Variants in CELF2 observed in about 807,000 individuals in gnomAD.
The protein encoded by CELF2 is CUG triplet repeat RNA-binding protein 2.
A neutral mutation model predicts 62.6 loss-of-function variants in CELF2; 8 were observed. The ratio of observed to expected loss-of-function variants is 0.13; its 90% confidence interval spans 0.07 to 0.23. The LOEUF is 0.23. CELF2 is among the 10% of genes least tolerant of loss of function. The pLI is 1.00. For missense variants in CELF2, 333 were observed against 671.0 expected, an observed-to-expected ratio of 0.50 and a Z score of 5.56; for synonymous variants, 258 against 250.0, an observed-to-expected ratio of 1.03 and a Z score of -0.30.
Position 11,224,868 on chromosome 10 carries a change from C to T in CELF2, c.354+7361C>T, listed in dbSNP as rs1261688137. Among the ~76,000 whole-genome samples, 2 of 152,118 alleles carry T rather than the reference C, an allele frequency of 1.3e-5. No homozygotes were observed. Among genetic ancestry groups the T allele is most frequent in the Admixed American group, 1.3e-4 (2 of 15,278 alleles). The stretch of plus-strand genomic sequence containing the variant: ...TCCCAGGAACACCAAGGTTCTTCCC[C>T]CACACACTAGGAAATAGGGAATGGC... On this transcript the variant is annotated intron_variant, in intron 3 of 12. Transcript: ENST00000633077. The surrounding 1 kb of genome is among the most constrained non-coding windows in gnomAD (Gnocchi z 4.5).
At chr10:11,053,097 A>T (rs1205343859) in intron 1 of CELF2, among the ~76,000 whole-genome samples, 2 of 152,194 alleles carry the variant, frequency 1.3e-5, no homozygotes, top group Non-Finnish European at 2.9e-5. Flanking sequence ...AGTTGTACTC[A>T]CAGGGTAAAG....
At chr10:10,610,286 G>A in the CELF2 span, among the ~76,000 whole-genome samples, 1 of 152,114 alleles carries the variant, frequency 6.6e-6, no homozygotes. Flanking sequence ...GATATTCATG[G>A]TATGAAGAAT....
chr10:10,717,613 C>T, the CELF2 span, among the ~76,000 whole-genome samples: 3 of 152,076 alleles, frequency 2.0e-5, no homozygotes, highest in African/African-American at 7.2e-5. Context: ...CTTTTCACTA[C>T]CTTTTAAGTC....
At chr10:11,287,019 G>A (rs2091482631) in intron 8 of CELF2, among the ~76,000 whole-genome samples, 1 of 152,170 alleles carries the variant, frequency 6.6e-6, no homozygotes, top group South Asian at 2.1e-4. Context: ...GCTGTCTAGA[G>A]CACTCAGCAG....
chr10:11,091,825 C>T lies in CELF2; in HGVS notation c.75-73661C>T, dbSNP rs2048394638. ...TCTTCTCCAAGTTAAAAACATGACT[C>T]TCAATCAAATACAGAATGAACGATT... On this transcript the variant is annotated intron_variant, in intron 1 of 12. Transcript: ENST00000633077. Among the ~76,000 whole-genome samples, 3 of 152,194 alleles carry T rather than the reference C, an allele frequency of 2.0e-5. No homozygotes were observed. In the South Asian group the frequency reaches 6.2e-4, roughly 31 times the overall value.
At position 11,257,826 on chromosome 10, in the gene CELF2, G is replaced by T; in HGVS notation, c.492G>T (p.Gln164His). ...GGGTGATGTTCTCTCCATTTGGCCA[G>T]ATAGAAGAATGCCGGATCCTCCGGG... is the stretch of plus-strand genomic sequence containing the variant. The part of the protein sequence containing the change: ...DIRVMFSPFG[Q>H]IEECRILRGP... Residue 164 changes from glutamine to histidine, a missense_variant, in exon 5 of 13, where the codon CAG becomes CAT. Gln to His is a conservative substitution (Grantham distance 24). Around this residue, in one of 3 missense-constraint regions of CELF2, gnomAD observed 253 missense variants for 503.0 expected, o/e 0.50. Coordinates refer to ENST00000633077, the MANE Select transcript of CELF2 (RefSeq NM_001326342.2). The T allele has an allele frequency of 6.2e-7, 1 of 1,614,246 alleles. No homozygotes were observed. Among genetic ancestry groups the T allele is most frequent in the Non-Finnish European group, 8.5e-7 (1 of 1,180,034 alleles).
chr10:10,857,986 T>A (rs2059844622), intron 1 of CELF2, among the ~76,000 whole-genome samples: 1 of 151,718 alleles, frequency 6.6e-6, no homozygotes, highest in Non-Finnish European at 1.5e-5. Flanking sequence ...AGAGTGACTA[T>A]CAATGAATAG....
At chr10:11,129,645 A>G (rs1308746770) in intron 1 of CELF2, among the ~76,000 whole-genome samples, 1 of 151,802 alleles carries the variant, frequency 6.6e-6, no homozygotes. Context: ...TTTCTTCTAG[A>G]TTTTCTAGTT....
the CELF2 span, among the ~76,000 whole-genome samples, chr10:10,701,728 A>G: frequency 1.3e-5 from 2 of 152,362 alleles, no homozygotes; most frequent in Admixed American, 6.5e-5. Context: ...CGAGATGGGT[A>G]ACCAAGAGGC....
chr10:10,645,350 C>G, the CELF2 span, among the ~76,000 whole-genome samples: 4,777 of 152,260 alleles, frequency 0.031, 167 homozygotes, highest in Admixed American at 0.088. Context: ...ACCTTTGTCG[C>G]AATTGTGATT....
intron 1 of CELF2, among the ~76,000 whole-genome samples, chr10:10,894,827 CTA>C (rs2062422347): frequency 6.6e-6 from 1 of 152,178 alleles, no homozygotes; most frequent in South Asian, 2.1e-4. Context: ...CGGAAATCTA[CTA>C]TGATTTCATA....
chr10:11,294,030 G>A (rs919887249), intron 9 of CELF2, among the ~76,000 whole-genome samples: 3 of 152,160 alleles, frequency 2.0e-5, no homozygotes, highest in East Asian at 3.8e-4. Context: ...TGAATACTCA[G>A]GTCCAACAGG....
At chr10:11,196,002 G>A (rs559105437) in intron 2 of CELF2, among the ~76,000 whole-genome samples, 36 of 149,572 alleles carry the variant, frequency 2.4e-4, no homozygotes, top group Admixed American at 1.1e-3. Flanking sequence ...CTTTGTCCAC[G>A]TCCATGGTAA....
At chr10:10,647,553 A>G in the CELF2 span, among the ~76,000 whole-genome samples, 1 of 152,230 alleles carries the variant, frequency 6.6e-6, no homozygotes, top group Non-Finnish European at 1.5e-5. Context: ...TGATGACGAC[A>G]GATCATTAAC....
intron 4 of CELF2, among the ~76,000 whole-genome samples, chr10:11,257,357 CAG>C (rs2079116239): frequency 1.2e-5 from 1 of 84,460 alleles, no homozygotes; most frequent in African/African-American, 4.1e-5. Context: ...AAAAAAAAAA[CAG>C]AATAAAATCT....
At chr10:11,116,236 T>C (rs2056530043) in intron 1 of CELF2, among the ~76,000 whole-genome samples, 1 of 152,200 alleles carries the variant, frequency 6.6e-6, no homozygotes, top group Admixed American at 6.5e-5. Flanking sequence ...TAACTGTCAG[T>C]GAATGGCCAA....
At chr10:10,567,027 C>T in the CELF2 span, among the ~76,000 whole-genome samples, 16 of 151,946 alleles carry the variant, frequency 1.1e-4, no homozygotes, top group East Asian at 3.8e-4. Flanking sequence ...ACATCTGCCG[C>T]GAAGATAAAA....
At chr10:10,974,895 A>G (rs1457147405) in intron 2 of CELF2, among the ~76,000 whole-genome samples, 3 of 152,240 alleles carry the variant, frequency 2.0e-5, no homozygotes, top group Non-Finnish European at 4.4e-5. Context: ...GTGATTTTAC[A>G]GTGTCTTGAC....
chr10:11,091,582 G>A (rs1738639716), intron 1 of CELF2, among the ~76,000 whole-genome samples: 1 of 152,212 alleles, frequency 6.6e-6, no homozygotes, highest in Non-Finnish European at 1.5e-5. Context: ...GCCTTCTGCA[G>A]TCAAACGAGC....
Sources: allele counts gnomAD v4.1 joint callset (sites outside exome capture counted in the v4.1 genomes callset), GRCh38; gene constraint gnomAD v4.1.1; regional missense constraint gnomAD v4.1.1; non-coding constraint Gnocchi (gnomAD v3.1); transcripts MANE v1.5; gene names NCBI Gene and HGNC (gene_info 2026-07-23, HGNC 2026-07-21).